Variants in CDH9 observed in about 807,000 individuals in gnomAD.
CDH9 encodes the protein cadherin 9.
In CDH9, 28 loss-of-function variants were observed where a neutral mutation model predicts 70.9. The observed-to-expected ratio is 0.40, with a 90% CI of 0.29 to 0.54. The LOEUF is 0.54. CDH9 is among the 20% of genes least tolerant of loss of function. The pLI is 0.59. For synonymous variants in CDH9, 409 were observed against 343.1 expected, an observed-to-expected ratio of 1.19 and a Z score of -2.12; for missense variants, 874 against 984.4, an observed-to-expected ratio of 0.89 and a Z score of 1.50.
chr5:27,031,392 C>T (rs1207119688), intron 1 of CDH9, among the ~76,000 whole-genome samples: 2 of 151,790 alleles, frequency 1.3e-5, no homozygotes, highest in Admixed American at 6.6e-5. Flanking sequence ...GTAGAATTTT[C>T]AATCTGGGTT....
chr5:26,888,778 G>A (rs944981409), intron 9 of CDH9, among the ~76,000 whole-genome samples: 12 of 152,140 alleles, frequency 7.9e-5, no homozygotes, highest in Non-Finnish European at 1.5e-4. Context: ...GGCTTCTGGT[G>A]AGGGCTTGCA....
intron 1 of CDH9, among the ~76,000 whole-genome samples, chr5:27,016,662 G>A (rs192185770): frequency 7.2e-4 from 109 of 151,772 alleles, no homozygotes; most frequent in Non-Finnish European, 1.3e-3. Flanking sequence ...ATTTAAAACC[G>A]ATATGCAAAT....
At chr5:27,021,617 A>G (rs967036827) in intron 1 of CDH9, among the ~76,000 whole-genome samples, 3 of 151,862 alleles carry the variant, frequency 2.0e-5, no homozygotes, top group Non-Finnish European at 2.9e-5. Context: ...AGTGTATAAG[A>G]TTTTATATAA....
chr5:26,990,214 G>T (rs1486706907), intron 1 of CDH9, among the ~76,000 whole-genome samples: 3 of 152,060 alleles, frequency 2.0e-5, no homozygotes, highest in African/African-American at 7.2e-5. Context: ...TAGAGACATG[G>T]GTCCAACTCA....
chr5:26,975,414 A>G (rs1367044383), intron 2 of CDH9, among the ~76,000 whole-genome samples: 1 of 152,224 alleles, frequency 6.6e-6, no homozygotes, highest in Non-Finnish European at 1.5e-5. Context: ...TCATACCATC[A>G]CCTATGATAT....
chr5:26,920,505 C>T (rs1741225373), intron 2 of CDH9, among the ~76,000 whole-genome samples: 1 of 151,830 alleles, frequency 6.6e-6, no homozygotes, highest in African/African-American at 2.4e-5. Context: ...TAGAGCACTC[C>T]AAACTTGAGT....
intron 2 of CDH9, among the ~76,000 whole-genome samples, chr5:26,980,249 G>T (rs1579491226): frequency 6.6e-6 from 1 of 151,730 alleles, no homozygotes; most frequent in Admixed American, 6.6e-5. Context: ...TAGAAAAAAA[G>T]GCATCTTCTT....
At chr5:26,906,631 G>A (rs1025108355) in intron 4 of CDH9, 88 bp downstream of exon 4, 9 of 1,474,500 alleles carry the variant, frequency 6.1e-6, no homozygotes, top group Non-Finnish European at 8.2e-6. Flanking sequence ...AAAGAATAAT[G>A]GTTTTAAAAT....
intron 2 of CDH9, among the ~76,000 whole-genome samples, chr5:26,949,700 G>T: frequency 6.6e-6 from 1 of 152,114 alleles, no homozygotes; most frequent in East Asian, 1.9e-4. Flanking sequence ...ATACTGAGTA[G>T]GACTGAAATA....
Position 26,905,984 on chromosome 5 carries a change from G to C in CDH9, c.786C>G (p.Asn262Lys). The C allele has an allele frequency of 6.2e-7, 1 of 1,613,712 alleles. No individual in the cohort carries two copies. Among genetic ancestry groups the C allele is most frequent in the Non-Finnish European group, 8.5e-7 (1 of 1,179,676 alleles). ...TCTGGGGAAATCGAGGAGGGTTGTT[G>C]TTGACATCTGTCAGCGTGATGTTCA... Reference protein sequence around the residue: ...TTVNITLTDVNNNPPRFPQST... With the variant: ...TTVNITLTDVKNNPPRFPQST... Residue 262 changes from asparagine to lysine, a missense_variant, in exon 5 of 12, where the codon AAC becomes AAG. Transcript: ENST00000231021.
intron 2 of CDH9, among the ~76,000 whole-genome samples, chr5:26,922,653 A>G (rs1579452813): frequency 6.6e-6 from 1 of 152,170 alleles, no homozygotes; most frequent in African/African-American, 2.4e-5. Flanking sequence ...ATCTGAAGGT[A>G]CAAAACTCAC....
chr5:27,017,457 C>G (rs1425196801), intron 1 of CDH9, among the ~76,000 whole-genome samples: 1 of 151,764 alleles, frequency 6.6e-6, no homozygotes, highest in African/African-American at 2.4e-5. Context: ...GCAAGCTAAA[C>G]GCTCTGCAAA....
chr5:26,946,941 A>G (rs1288421119), intron 2 of CDH9, among the ~76,000 whole-genome samples: 1 of 152,194 alleles, frequency 6.6e-6, no homozygotes, highest in Non-Finnish European at 1.5e-5. Context: ...TAAAATTAAC[A>G]GTGGTGAGAT....
intron 1 of CDH9, among the ~76,000 whole-genome samples, chr5:27,015,172 A>G (rs1374726026): frequency 1.3e-5 from 2 of 151,892 alleles, no homozygotes; most frequent in Non-Finnish European, 2.9e-5. Flanking sequence ...AGAAATTAAT[A>G]GAGGCCTGAC....
chr5:26,959,023 C>T (rs995090333), intron 2 of CDH9, among the ~76,000 whole-genome samples: 3 of 151,934 alleles, frequency 2.0e-5, no homozygotes, highest in Admixed American at 1.3e-4. Context: ...TTCATAAAAA[C>T]AAACTATTGT....
intron 2 of CDH9, among the ~76,000 whole-genome samples, chr5:26,929,277 A>T (rs1273854533): frequency 6.6e-6 from 1 of 152,082 alleles, no homozygotes; most frequent in Non-Finnish European, 1.5e-5. Flanking sequence ...TGCAAATCAA[A>T]CCTACAATGA....
At chr5:26,982,619 C>A (rs1233965322) in intron 2 of CDH9, among the ~76,000 whole-genome samples, 14 of 152,066 alleles carry the variant, frequency 9.2e-5, no homozygotes, top group African/African-American at 3.4e-4. Flanking sequence ...GTCACAGAAA[C>A]TAGGAGACAA....
intron 2 of CDH9, among the ~76,000 whole-genome samples, chr5:26,924,149 T>C (rs1437227227): frequency 6.6e-6 from 1 of 151,996 alleles, no homozygotes; most frequent in Non-Finnish European, 1.5e-5. Context: ...AACAATCATT[T>C]ATCCAGCCTA....
chr5:27,005,952 G>GT (rs1326002903), intron 1 of CDH9, among the ~76,000 whole-genome samples: 2 of 152,018 alleles, frequency 1.3e-5, no homozygotes, highest in African/African-American at 4.8e-5. Flanking sequence ...TCACTTATAA[G>GT]TAGGAGCTAA....
Sources: allele counts gnomAD v4.1 joint callset (sites outside exome capture counted in the v4.1 genomes callset), GRCh38; gene constraint gnomAD v4.1.1; transcripts MANE v1.5; gene names NCBI Gene and HGNC (gene_info 2026-07-23, HGNC 2026-07-21).